GREB1L: variants seen among roughly 807,000 people sequenced by gnomAD.
GREB1L encodes the protein GREB1 like retinoic acid receptor coactivator.
A neutral mutation model predicts 200.8 loss-of-function variants in GREB1L; 17 were observed. That is an observed-to-expected ratio of 0.08 (90% CI 0.06 to 0.13). GREB1L has a LOEUF of 0.13. Among genes scored for constraint, GREB1L ranks in the 10% least tolerant of loss-of-function variants. GREB1L has a pLI of 1.00. For synonymous variants in GREB1L, 789 were observed against 893.0 expected, an observed-to-expected ratio of 0.88 and a Z score of 2.08; for missense variants, 1,657 against 2,367.7, an observed-to-expected ratio of 0.70 and a Z score of 6.23.
intron 4 of GREB1L, among the ~76,000 whole-genome samples, chr18:21,389,278 G>A (rs2040683670): frequency 1.3e-5 from 2 of 149,542 alleles, no homozygotes; most frequent in Admixed American, 1.3e-4. Flanking sequence ...TTTGGACATT[G>A]GGATCTCAGT....
chr18:21,437,399 A>C (rs2033615420), intron 7 of GREB1L, among the ~76,000 whole-genome samples: 1 of 152,342 alleles, frequency 6.6e-6, no homozygotes, highest in East Asian at 1.9e-4. Flanking sequence ...ATCAGTAATC[A>C]TCATGGTTAC....
chr18:21,419,132 C>A (rs2031921228), intron 7 of GREB1L, among the ~76,000 whole-genome samples: 1 of 152,116 alleles, frequency 6.6e-6, no homozygotes, highest in Non-Finnish European at 1.5e-5. Context: ...GGGCAGTAGG[C>A]CATACCATAT....
At chr18:21,325,392 G>A (rs909077227) in intron 1 of GREB1L, among the ~76,000 whole-genome samples, 2 of 152,104 alleles carry the variant, frequency 1.3e-5, no homozygotes, top group African/African-American at 2.4e-5. Context: ...TTCTATGCTC[G>A]AATCCAACAG....
intron 1 of GREB1L, among the ~76,000 whole-genome samples, chr18:21,340,351 T>C (rs1328755541): frequency 6.6e-6 from 1 of 151,508 alleles, no homozygotes; most frequent in East Asian, 2.0e-4. Context: ...ACCCTGGAGG[T>C]GGAGCTTGCA....
intron 18 of GREB1L, among the ~76,000 whole-genome samples, chr18:21,486,683 GT>G (rs1205743407): frequency 2.0e-5 from 3 of 152,000 alleles, no homozygotes; most frequent in Non-Finnish European, 4.4e-5. Flanking sequence ...CTCTGAAAGA[GT>G]TTTTTTCCCT....
At chr18:21,442,634 CCTAT>C (rs2033960525) in intron 10 of GREB1L, among the ~76,000 whole-genome samples, 1 of 152,138 alleles carries the variant, frequency 6.6e-6, no homozygotes, top group African/African-American at 2.4e-5. Flanking sequence ...CATATTTTAT[CCTAT>C]CTATTTCAAA....
chr18:21,517,581 T>A (rs1167156511), intron 30 of GREB1L, among the ~76,000 whole-genome samples: 1 of 152,186 alleles, frequency 6.6e-6, no homozygotes, highest in Non-Finnish European at 1.5e-5. Flanking sequence ...TAAAAGATAG[T>A]AATAAAGATC....
chr18:21,452,257 G>T (rs1474174885), intron 14 of GREB1L, 40 bp downstream of exon 14: 1 of 1,536,032 alleles, frequency 6.5e-7, no homozygotes, highest in Non-Finnish European at 8.8e-7. Context: ...GTCAGTCCTT[G>T]GGACAGACAT....
At chr18:21,396,040 C>CT (rs1169992647) in intron 5 of GREB1L, among the ~76,000 whole-genome samples, 1,511 of 139,660 alleles carry the variant, frequency 0.011, 9 homozygotes, top group Non-Finnish European at 0.017. Flanking sequence ...TATTTTCTTT[C>CT]TTTTTTTTTT....
At chr18:21,430,687 C>T (rs1254271568) in intron 7 of GREB1L, among the ~76,000 whole-genome samples, 6 of 150,260 alleles carry the variant, frequency 4.0e-5, no homozygotes, top group African/African-American at 7.3e-5. Flanking sequence ...ACCTCCGCCT[C>T]CCAGGTTCAA....
Position 21,451,477 on chromosome 18 carries a change from CCTTTTTTTTT to C in GREB1L, c.1849+327_1849+336del, listed in dbSNP as rs1240251266. 1.2e-4 allele frequency: 15 copies of C among 128,778 alleles called. 1 individual carries two copies. In the Admixed American group the frequency reaches 1.7e-3, roughly 15 times the overall value. 8.0% of individuals were successfully genotyped at this position (128,778 alleles called of 1,614,324 possible). ...CCCTCCCTTCCTTCTTTCCTTCCTT[CCTTTTTTTTT>C]TTTTTTTTTTTTTTTTTTTTTACAG... On this transcript the variant is annotated intron_variant, in intron 13 of 32. Coordinates refer to ENST00000424526, the MANE Select transcript of GREB1L (RefSeq NM_001142966.3).
chr18:21,428,561 A>G (rs2032835286), intron 7 of GREB1L, among the ~76,000 whole-genome samples: 2 of 150,870 alleles, frequency 1.3e-5, no homozygotes, highest in Admixed American at 1.3e-4. Context: ...ATGGAATAAC[A>G]GCGATAGATT....
intron 1 of GREB1L, among the ~76,000 whole-genome samples, chr18:21,286,927 G>A (rs556756769): frequency 4.0e-4 from 61 of 152,246 alleles, no homozygotes; most frequent in Middle Eastern, 3.4e-3. Flanking sequence ...GGTTACAGGC[G>A]TGAGCCACTG....
intron 1 of GREB1L, among the ~76,000 whole-genome samples, chr18:21,290,452 A>G (rs549087643): frequency 1.3e-5 from 2 of 152,304 alleles, no homozygotes; most frequent in African/African-American, 4.8e-5. Flanking sequence ...TATAATCCTT[A>G]ACTACTGGGC....
At chr18:21,427,135 A>T (rs2032679134) in intron 7 of GREB1L, among the ~76,000 whole-genome samples, 1 of 152,154 alleles carries the variant, frequency 6.6e-6, no homozygotes, top group African/African-American at 2.4e-5. Flanking sequence ...TAGTATTGCC[A>T]TCTTAATATT....
chr18:21,337,768 C>T lies in GREB1L; in HGVS notation c.-119-28259C>T, dbSNP rs543458885. On this transcript the variant is annotated intron_variant, in intron 1 of 32. Transcript: ENST00000424526. ...TTGGGAGGCCGAGGCGGGTAGATCACGGGATCAGGAGATCGAGACCATTCT... is the reference window on the plus strand; with the variant it reads ...TTGGGAGGCCGAGGCGGGTAGATCATGGGATCAGGAGATCGAGACCATTCT... 2.0e-5 allele frequency among the ~76,000 whole-genome samples: 3 copies of T among 152,172 alleles called. No individual in the cohort carries two copies. In the East Asian group the frequency reaches 5.8e-4, roughly 29 times the overall value.
intron 15 of GREB1L, among the ~76,000 whole-genome samples, chr18:21,467,339 A>G (rs544833550): frequency 1.3e-5 from 2 of 152,350 alleles, no homozygotes; most frequent in East Asian, 3.9e-4. Flanking sequence ...TTTGGAAATC[A>G]TTTATCTGAT....
At chr18:21,472,256 TAA>T (rs2035512712) in intron 15 of GREB1L, among the ~76,000 whole-genome samples, 1 of 152,236 alleles carries the variant, frequency 6.6e-6, no homozygotes, top group Non-Finnish European at 1.5e-5. Flanking sequence ...ATATAATTCA[TAA>T]AAGTCTCTTC....
At chr18:21,348,891 G>A (rs1225490536) in intron 1 of GREB1L, among the ~76,000 whole-genome samples, 1 of 152,220 alleles carries the variant, frequency 6.6e-6, no homozygotes, top group African/African-American at 2.4e-5. Flanking sequence ...GTGGCAGTGA[G>A]CCATGATTGC....
Sources: gnomAD v4.1 joint callset for allele counts (sites outside exome capture counted in the v4.1 genomes callset) on GRCh38, gnomAD v4.1.1 for gene constraint, MANE v1.5 for transcripts, NCBI Gene and HGNC (gene_info 2026-07-23, HGNC 2026-07-21) for gene names.